KCTD16: variants seen among roughly 807,000 people sequenced by gnomAD.
KCTD16 encodes the protein potassium channel tetramerization domain containing 16.
In KCTD16, 13 loss-of-function variants were observed where a neutral mutation model predicts 33.2. The ratio of observed to expected loss-of-function variants is 0.39; its 90% confidence interval spans 0.25 to 0.62. The LOEUF (loss-of-function observed/expected upper bound fraction) is 0.62. Among genes scored for constraint, KCTD16 ranks in the 20% least tolerant of loss-of-function variants. The probability of loss-of-function intolerance (pLI) is 0.50; values close to 1 mark genes in which losing one functional copy is unlikely to be tolerated. For missense variants in KCTD16, 441 were observed against 525.1 expected (o/e 0.84, Z 1.57); for synonymous variants, 197 against 195.3 (o/e 1.01, Z -0.07).
At chr5:144,452,507 G>C (rs1753967449) in intron 3 of KCTD16, among the ~76,000 whole-genome samples, 1 of 151,898 alleles carries the variant, frequency 6.6e-6, no homozygotes, top group Admixed American at 6.6e-5. Context: ...GGTGAGAGGG[G>C]AAAGAGAGAA....
intron 2 of KCTD16, among the ~76,000 whole-genome samples, chr5:144,180,119 T>G (rs948067475): frequency 1.3e-5 from 2 of 152,140 alleles, no homozygotes; most frequent in Non-Finnish European, 2.9e-5. Context: ...AGATTCTAAT[T>G]TGGAGATCTG....
At chr5:144,311,827 C>T (rs1751774135) in intron 3 of KCTD16, among the ~76,000 whole-genome samples, 1 of 152,082 alleles carries the variant, frequency 6.6e-6, no homozygotes, top group Admixed American at 6.6e-5. Context: ...GTTAACTGTA[C>T]TTTTTAATCT....
chr5:144,209,819 T>C (rs1753312824), intron 3 of KCTD16, among the ~76,000 whole-genome samples: 1 of 146,550 alleles, frequency 6.8e-6, no homozygotes, highest in Non-Finnish European at 1.5e-5. Context: ...TATGTGTGTA[T>C]ATATATAAAT....
intron 2 of KCTD16, among the ~76,000 whole-genome samples, chr5:144,184,373 T>C (rs1441118848): frequency 6.6e-6 from 1 of 152,218 alleles, no homozygotes; most frequent in Admixed American, 6.5e-5. Flanking sequence ...GGTTCGTCCA[T>C]GTTAAAGTCT....
At chr5:144,305,390 T>C (rs1284816941) in intron 3 of KCTD16, among the ~76,000 whole-genome samples, 10 of 152,124 alleles carry the variant, frequency 6.6e-5, no homozygotes, top group Non-Finnish European at 1.2e-4. Flanking sequence ...ATCAAAGAAG[T>C]GACTAAGTTA....
At chr5:144,188,456 C>T (rs1005499520) in intron 2 of KCTD16, among the ~76,000 whole-genome samples, 1 of 152,194 alleles carries the variant, frequency 6.6e-6, no homozygotes, top group Non-Finnish European at 1.5e-5. Context: ...CTCATCCTAA[C>T]TCTTTTCTTT....
intron 3 of KCTD16, among the ~76,000 whole-genome samples, chr5:144,436,552 A>G (rs1037344958): frequency 1.3e-5 from 2 of 151,932 alleles, no homozygotes; most frequent in Non-Finnish European, 2.9e-5. Context: ...AGTTTTGCCA[A>G]CTACTTCCTA....
At position 144,229,170 on chromosome 5, in the gene KCTD16, G is replaced by C. The variant is rs143666917; in HGVS notation, c.832+21624G>C. 3.3e-4 allele frequency among the ~76,000 whole-genome samples: 50 copies of C among 152,306 alleles called. 1 individual carries two copies. The East Asian group carries it at 7.1e-3, about 22-fold the overall frequency. Reference sequence around the variant, plus strand: ...TTTTATCCTCACCAGCAGGCATGGGGTTTTGTAAAGTCAAGGCAGAAGAGC... The same window carrying C: ...TTTTATCCTCACCAGCAGGCATGGGCTTTTGTAAAGTCAAGGCAGAAGAGC... On this transcript the variant is annotated intron_variant, in intron 3 of 3. Transcript: ENST00000512467.
intron 3 of KCTD16, among the ~76,000 whole-genome samples, chr5:144,337,134 A>G (rs1249411509): frequency 6.6e-6 from 1 of 151,846 alleles, no homozygotes; most frequent in Non-Finnish European, 1.5e-5. Context: ...CATCTTATTT[A>G]TGGTCTAACT....
intron 3 of KCTD16, among the ~76,000 whole-genome samples, chr5:144,371,927 A>G (rs574275954): frequency 1.2e-4 from 18 of 152,042 alleles, no homozygotes; most frequent in African/African-American, 3.6e-4. Context: ...TGGGTTCTCA[A>G]CCTTATGCTC....
chr5:144,251,751 A>G (rs1754706251), intron 3 of KCTD16, among the ~76,000 whole-genome samples: 1 of 152,202 alleles, frequency 6.6e-6, no homozygotes, highest in Admixed American at 6.5e-5. Context: ...CAGGCATGCC[A>G]ATGGCAGCTT....
intron 3 of KCTD16, among the ~76,000 whole-genome samples, chr5:144,433,187 GAATT>G (rs1753502702): frequency 6.6e-6 from 1 of 152,140 alleles, no homozygotes; most frequent in Non-Finnish European, 1.5e-5. Context: ...AAATGTAAAT[GAATT>G]ACTTGGCTTT....
chr5:144,238,668 C>G lies in KCTD16; in HGVS notation c.832+31122C>G, dbSNP rs76188536. Among the ~76,000 whole-genome samples, 110 of 152,186 alleles carry G rather than the reference C, an allele frequency of 7.2e-4. 1 individual carries two copies. In the East Asian group the frequency reaches 0.02, roughly 27 times the overall value. ...TTAAGAGTGCAGTGTGTATTAATCT[C>G]TTTCACAGCTGTGTTCTCTATTGGG... is the stretch of plus-strand genomic sequence containing the variant. On this transcript the variant is annotated intron_variant, in intron 3 of 3. Transcript: ENST00000512467.
intron 3 of KCTD16, among the ~76,000 whole-genome samples, chr5:144,368,190 T>G (rs1472237734): frequency 1.3e-5 from 2 of 152,138 alleles, no homozygotes; most frequent in Non-Finnish European, 2.9e-5. Flanking sequence ...GTACCTGGTG[T>G]TACACTCATA....
chr5:144,454,883 T>C (rs2126987546), intron 3 of KCTD16, among the ~76,000 whole-genome samples: 1 of 152,274 alleles, frequency 6.6e-6, no homozygotes, highest in African/African-American at 2.4e-5. Context: ...TCCAGTGCAA[T>C]ACATTGATTT....
At position 144,474,068 on chromosome 5, in the gene KCTD16, G is replaced by A. The variant is rs1344972297; in HGVS notation, c.1241G>A (p.Arg414Lys). The change falls in exon 4 of 4, where the codon AGA (arginine) becomes AAA (lysine). Residue 414 changes from arginine to lysine, a missense_variant. Arg to Lys is a conservative substitution (Grantham distance 26). Coordinates refer to ENST00000512467, the MANE Select transcript of KCTD16 (RefSeq NM_020768.4). Reference sequence around the variant, plus strand: ...AAAATTCCAGATCGGTTTCCTGAGAGAAAACATCCTTGGCAATCTGAACTT... The same window carrying A: ...AAAATTCCAGATCGGTTTCCTGAGAAAAAACATCCTTGGCAATCTGAACTT... ...KIKIPDRFPE[R>K]KHPWQSELLR... 1 of 1,600,698 alleles carries A rather than the reference G, an allele frequency of 6.2e-7. No homozygotes were observed. The highest frequency in any genetic ancestry group is 1.1e-5 in the South Asian group (1 of 90,866).
chr5:144,246,873 G>A (rs181124540), intron 3 of KCTD16, among the ~76,000 whole-genome samples: 1 of 152,266 alleles, frequency 6.6e-6, no homozygotes, highest in African/African-American at 2.4e-5. Context: ...CCATGGAGAA[G>A]ATGTATCAGG....
At chr5:144,382,202 A>C (rs183393292) in intron 3 of KCTD16, among the ~76,000 whole-genome samples, 2 of 152,272 alleles carry the variant, frequency 1.3e-5, no homozygotes, top group African/African-American at 4.8e-5. Context: ...CACTGAGTAC[A>C]CATGGAACCA....
intron 2 of KCTD16, among the ~76,000 whole-genome samples, chr5:144,198,785 A>C: frequency 6.6e-6 from 1 of 152,220 alleles, no homozygotes; most frequent in East Asian, 1.9e-4. Flanking sequence ...TCCAAGGGCA[A>C]ATGTGCTTAG....
Sources: allele counts gnomAD v4.1 joint callset (sites outside exome capture counted in the v4.1 genomes callset), GRCh38; gene constraint gnomAD v4.1.1; transcripts MANE v1.5; gene names NCBI Gene and HGNC (gene_info 2026-07-23, HGNC 2026-07-21).